The following RABGAP1 variants were observed in gnomAD, a reference collection of about 807,000 sequenced individuals.
The protein encoded by RABGAP1 is RAB GTPase activating protein 1.
A neutral mutation model predicts 137.6 loss-of-function variants in RABGAP1; 23 were observed. That is an observed-to-expected ratio of 0.17 (90% CI 0.12 to 0.24). RABGAP1 has a LOEUF of 0.24. Among genes scored for constraint, RABGAP1 ranks in the 10% least tolerant of loss-of-function variants. The pLI is 1.00. For missense variants in RABGAP1, 906 were observed against 1,275.8 expected, an observed-to-expected ratio of 0.71 and a Z score of 4.42; for synonymous variants, 451 against 450.7, an observed-to-expected ratio of 1.00 and a Z score of -0.01.
chr9:123,072,183 A>T (rs926984690), intron 15 of RABGAP1, among the ~76,000 whole-genome samples: 1 of 152,174 alleles, frequency 6.6e-6, no homozygotes, highest in Non-Finnish European at 1.5e-5. Context: ...ATTTCCTTTT[A>T]GCATCATGTC....
chr9:123,093,740 A>C (rs1465601529), intron 21 of RABGAP1, among the ~76,000 whole-genome samples: 1 of 152,208 alleles, frequency 6.6e-6, no homozygotes, highest in African/African-American at 2.4e-5. Flanking sequence ...AAATCAGTTC[A>C]TGTGAGTTCT....
chr9:123,020,443 G>A lies in RABGAP1; in HGVS notation c.1778G>A (p.Arg593His), dbSNP rs531769731. Residue 593 changes from arginine (R) to histidine (H), a missense_variant, in exon 13 of 26, where the codon CGC becomes CAC. Around this residue, in one of 9 missense-constraint regions of RABGAP1, gnomAD observed 212 missense variants for 289.4 expected, o/e 0.73. Transcript: ENST00000373647. Reference sequence around the variant, plus strand: ...AATGACCACCTGGTAGAGAAATACCGCATTCTTATCACAAAGGTAAGGGGG... The same window carrying A: ...AATGACCACCTGGTAGAGAAATACCACATTCTTATCACAAAGGTAAGGGGG... Reference protein sequence around the residue: ...HNNDHLVEKYRILITKESPQD... With the variant: ...HNNDHLVEKYHILITKESPQD... The A allele has an allele frequency of 4.4e-6, 7 of 1,594,508 alleles. No homozygotes were observed. The highest frequency in any genetic ancestry group is 4.0e-5 in the African/African-American group (3 of 74,510).
At chr9:122,980,111 C>T (rs949528416) in intron 2 of RABGAP1, among the ~76,000 whole-genome samples, 1 of 152,192 alleles carries the variant, frequency 6.6e-6, no homozygotes, top group African/African-American at 2.4e-5. Flanking sequence ...TTTGTTTATA[C>T]ATTGTTTATG....
At chr9:123,035,151 C>T (rs147108736) in intron 13 of RABGAP1, 6 of 1,613,860 alleles carry the variant, frequency 3.7e-6, no homozygotes, top group Non-Finnish European at 4.2e-6. Flanking sequence ...CCCTGTTCAT[C>T]GTGATGATGT....
intron 13 of RABGAP1, among the ~76,000 whole-genome samples, chr9:123,033,133 AG>A: frequency 6.6e-6 from 1 of 152,344 alleles, no homozygotes; most frequent in Middle Eastern, 3.4e-3. Context: ...GTGAATCATG[AG>A]AGACAAAATT....
chr9:123,015,289 CTT>C (rs34492374), intron 11 of RABGAP1, among the ~76,000 whole-genome samples: 6,208 of 121,624 alleles, frequency 0.051, 182 homozygotes, highest in African/African-American at 0.12. Context: ...TAAATAGCTC[CTT>C]TTTTTTTTTT....
chr9:123,015,598 A>T lies in RABGAP1; in HGVS notation c.1605A>T (p.Glu535Asp). 1 of 1,612,962 alleles carries T rather than the reference A, an allele frequency of 6.2e-7. No homozygotes were observed. Among genetic ancestry groups the T allele is most frequent in the Non-Finnish European group, 8.5e-7 (1 of 1,179,184 alleles). The change falls in exon 12 of 26, where the codon GAA (glutamate) becomes GAT (aspartate). Residue 535 changes from glutamate (E) to aspartate (D), a missense_variant. Glu to Asp is a conservative substitution (Grantham distance 45). This residue lies in a region of RABGAP1 where 212 missense variants were observed against 289.4 expected (regional missense o/e 0.73). Coordinates refer to ENST00000373647, the MANE Select transcript of RABGAP1 (RefSeq NM_012197.4). ...GSGDVSKECA[E>D]KILETWGELL... ...GTGATGTATCCAAAGAATGTGCAGA[A>T]AAAATTCTTGAAACATGGGGAGAAC...
chr9:123,093,358 C>T (rs2132224114), intron 21 of RABGAP1, among the ~76,000 whole-genome samples: 1 of 152,288 alleles, frequency 6.6e-6, no homozygotes, highest in African/African-American at 2.4e-5. Flanking sequence ...ATGACTAGAC[C>T]TGACACTGGT....
At chr9:123,067,072 T>TA (rs1448472870) in intron 14 of RABGAP1, among the ~76,000 whole-genome samples, 8 of 152,354 alleles carry the variant, frequency 5.3e-5, no homozygotes, top group Non-Finnish European at 1.0e-4. Context: ...AATTAGTAGC[T>TA]ACTCCACATT....
chr9:122,946,914 T>C (rs1396600293), intron 1 of RABGAP1, among the ~76,000 whole-genome samples: 2 of 152,132 alleles, frequency 1.3e-5, no homozygotes, highest in Non-Finnish European at 2.9e-5. Flanking sequence ...TATCAAGATA[T>C]AGTGGGGAGA....
intron 2 of RABGAP1, among the ~76,000 whole-genome samples, chr9:122,980,458 C>T (rs748128761): frequency 9.2e-5 from 14 of 152,150 alleles, no homozygotes; most frequent in Non-Finnish European, 1.8e-4. Context: ...ATAGTACATC[C>T]ACCATGGTTC....
Position 123,020,445 on chromosome 9 carries a change from A to T in RABGAP1, c.1780A>T (p.Ile594Phe). 1 of 1,596,128 alleles carries T rather than the reference A, an allele frequency of 6.3e-7. No homozygotes were observed. The highest frequency in any genetic ancestry group is 8.5e-7 in the Non-Finnish European group (1 of 1,170,626). The change falls in exon 13 of 26, where the codon ATT becomes TTT. Residue 594 changes from isoleucine (I) to phenylalanine (F), a missense_variant. Coordinates refer to ENST00000373647, the MANE Select transcript of RABGAP1 (RefSeq NM_012197.4). ...TGACCACCTGGTAGAGAAATACCGC[A>T]TTCTTATCACAAAGGTAAGGGGGTG... ...NNDHLVEKYR[I>F]LITKESPQDS...
At chr9:122,952,216 A>T (rs1211572094) in intron 1 of RABGAP1, among the ~76,000 whole-genome samples, 1 of 152,094 alleles carries the variant, frequency 6.6e-6, no homozygotes, top group Non-Finnish European at 1.5e-5. Context: ...CTGTAATCCC[A>T]GCACTTTGGG....
intron 1 of RABGAP1, among the ~76,000 whole-genome samples, chr9:122,953,340 C>T (rs908284350): frequency 2.0e-5 from 3 of 151,692 alleles, no homozygotes; most frequent in Non-Finnish European, 4.4e-5. Context: ...GATAGTATAA[C>T]ATTACCTCTA....
At position 123,015,685 on chromosome 9, in the gene RABGAP1, G is replaced by C. The variant is rs752589851; in HGVS notation, c.1643+49G>C. ...TTTTATCTGCAATTTTCATTTTATG[G>C]GTAGAGAATCTTACCTAACTATAAT... is the stretch of plus-strand genomic sequence containing the variant. On this transcript the variant is annotated intron_variant, in intron 12 of 25. Transcript: ENST00000373647. 13 of 1,329,676 alleles carry C rather than the reference G, an allele frequency of 9.8e-6. No individual in the cohort carries two copies. In the South Asian group the frequency reaches 1.4e-4, roughly 14 times the overall value. 82.4% of individuals were successfully genotyped at this position (1,329,676 alleles called of 1,614,324 possible).
chr9:123,077,703 T>TG (rs939292913), intron 19 of RABGAP1, among the ~76,000 whole-genome samples: 8 of 151,856 alleles, frequency 5.3e-5, no homozygotes, highest in African/African-American at 1.9e-4. Flanking sequence ...TTATTTTCTG[T>TG]GGGGCTTTTT....
intron 2 of RABGAP1, among the ~76,000 whole-genome samples, chr9:122,980,376 C>T (rs1339705075): frequency 2.6e-5 from 4 of 152,150 alleles, no homozygotes; most frequent in Non-Finnish European, 5.9e-5. Flanking sequence ...TCCTGAGTAG[C>T]TGGGACTACA....
chr9:122,942,669 C>CAAAAAAAAAAA lies in RABGAP1; in HGVS notation c.-50+1585_-50+1595dup, dbSNP rs10660327. ...TGAGCAACAGAGCGAGACTCCGTCT[C>CAAAAAAAAAAA]AAAAAAAAAAAAAAAAAAACACAAA... On this transcript the variant is annotated intron_variant, in intron 1 of 25. Transcript: ENST00000373647. 4.4e-5 allele frequency among the ~76,000 whole-genome samples: 4 copies of CAAAAAAAAAAA among 90,338 alleles called. 1 individual carries two copies. Among genetic ancestry groups the CAAAAAAAAAAA allele is most frequent in the Admixed American group, 2.6e-4 (2 of 7,654 alleles). The allele number at this position is 90,338 out of a possible 152,430, so 59.3% of individuals were successfully genotyped here.
At chr9:123,034,967 C>T in intron 13 of RABGAP1, 2 of 1,613,706 alleles carry the variant, frequency 1.2e-6, no homozygotes, top group Non-Finnish European at 1.7e-6. Flanking sequence ...ATTACTAAAC[C>T]TTTAACCTAT....
Sources: allele counts gnomAD v4.1 joint callset (sites outside exome capture counted in the v4.1 genomes callset), GRCh38; gene constraint gnomAD v4.1.1; regional missense constraint gnomAD v4.1.1; transcripts MANE v1.5; gene names NCBI Gene and HGNC (gene_info 2026-07-23, HGNC 2026-07-21).